LRBA: variants seen among roughly 807,000 people sequenced by gnomAD.
LRBA encodes lipopolysaccharide-responsive and beige-like anchor protein.
Under a neutral mutation model 330.0 loss-of-function variants are expected in LRBA, and 176 were observed. The ratio of observed to expected loss-of-function variants is 0.53; its 90% CI spans 0.47 to 0.60. The LOEUF is 0.60. Ranked by LOEUF, LRBA falls within the 20% of genes least tolerant of loss-of-function variation. LRBA has a pLI of 0.00. For synonymous variants in LRBA, 1,230 were observed against 1,193.0 expected (o/e 1.03, Z -0.64); for missense variants, 3,259 against 3,444.8 (o/e 0.95, Z 1.35).
intron 33 of LRBA, among the ~76,000 whole-genome samples, chr4:150,803,073 A>ATAT (rs1553964864): frequency 0.1 from 3,384 of 33,600 alleles, 113 homozygotes; most frequent in African/African-American, 0.16. Context: ...AAACAAAAAA[A>ATAT]AAATATATAT....
At chr4:150,873,886 C>T (rs72719664) in intron 17 of LRBA, among the ~76,000 whole-genome samples, 1 of 152,060 alleles carries the variant, frequency 6.6e-6, no homozygotes, top group African/African-American at 2.4e-5. Flanking sequence ...AAGTTTGATT[C>T]CTTTTAAAAC....
chr4:150,690,577 C>G (rs994580262), intron 36 of LRBA, among the ~76,000 whole-genome samples: 1 of 149,964 alleles, frequency 6.7e-6, no homozygotes, highest in Admixed American at 6.6e-5. Flanking sequence ...CCCTTCCCAC[C>G]ATATTATAAA....
chr4:150,803,366 T>A (rs919495378), intron 33 of LRBA, among the ~76,000 whole-genome samples: 1 of 152,000 alleles, frequency 6.6e-6, no homozygotes, highest in Non-Finnish European at 1.5e-5. Flanking sequence ...AGTAGAGATA[T>A]CAAATAATTA....
rs770852347 is a variant in LRBA at position 150,915,634 on chromosome 4, T to C, written c.988A>G (p.Ile330Val). The change falls in exon 8 of 57, where the codon ATA (isoleucine) becomes GTA (valine). Residue 330 changes from isoleucine to valine, a missense_variant. Coordinates refer to ENST00000651943, the MANE Select transcript of LRBA (RefSeq NM_001364905.1). ...TCGCTAGTGTTGACAAACCATGTTA[T>C]CTCTCCATAGGAAGCCAGCTCACCA... Reference protein sequence around the residue: ...VNGELASYGEITWFVNTSDTF... With the variant: ...VNGELASYGEVTWFVNTSDTF... 1.2e-6 allele frequency: 2 copies of C among 1,612,292 alleles called. No homozygotes were observed. The highest frequency in any genetic ancestry group is 8.5e-7 in the Non-Finnish European group (1 of 1,179,202).
At chr4:150,517,359 A>G (rs188985654) in intron 40 of LRBA, among the ~76,000 whole-genome samples, 3 of 152,182 alleles carry the variant, frequency 2.0e-5, no homozygotes, top group Admixed American at 6.5e-5. Context: ...GTCTCTACAA[A>G]AAAATACAAA....
chr4:150,942,277 T>G (rs1376328696), intron 2 of LRBA, among the ~76,000 whole-genome samples: 1 of 152,192 alleles, frequency 6.6e-6, no homozygotes, highest in African/African-American at 2.4e-5. Context: ...ATCATAATTG[T>G]AAAAAACTAT....
Position 150,402,240 on chromosome 4 carries a change from G to A in LRBA, c.7194+13198C>T, listed in dbSNP as rs539835048. Among the ~76,000 whole-genome samples, 19 of 150,872 alleles carry A rather than the reference G, an allele frequency of 1.3e-4. 1 individual carries two copies. In the East Asian group the frequency reaches 3.5e-3, roughly 28 times the overall value. On this transcript the variant is annotated intron_variant, in intron 47 of 56. Coordinates refer to ENST00000651943, the MANE Select transcript of LRBA (RefSeq NM_001364905.1). ...AAGAACTTATTTTAGACGAGATCAG[G>A]CACTTTCAGGGTGGTACAGCAGTAG...
chr4:150,794,033 T>C (rs1343553770), intron 34 of LRBA, among the ~76,000 whole-genome samples: 1 of 152,210 alleles, frequency 6.6e-6, no homozygotes, highest in African/African-American at 2.4e-5. Flanking sequence ...ATTATAGATA[T>C]GATCCTCGAA....
At chr4:150,462,024 G>A (rs555011661) in intron 44 of LRBA, among the ~76,000 whole-genome samples, 1 of 151,804 alleles carries the variant, frequency 6.6e-6, no homozygotes, top group African/African-American at 2.4e-5. Flanking sequence ...TACTTTTATG[G>A]TATGACATTT....
chr4:150,864,644 CTT>C lies in LRBA; in HGVS notation c.2766+3025_2766+3026del, dbSNP rs34280757. On this transcript the variant is annotated intron_variant, in intron 22 of 56. Coordinates refer to ENST00000651943, the MANE Select transcript of LRBA (RefSeq NM_001364905.1). ...TGAAAAGCTCTCATGGGCCCACGTT[CTT>C]TTTTTTTTTTTTTTTTTTGAGACAG... Among the ~76,000 whole-genome samples the C allele has an allele frequency of 1.5e-3, 179 of 118,418 alleles. 34 individuals carry two copies. The highest frequency in any genetic ancestry group is 2.1e-3 in the Non-Finnish European group (117 of 56,416). 77.7% of individuals were successfully genotyped at this position (118,418 alleles called of 152,430 possible). A position where few individuals can be genotyped will look rare whatever the true frequency, so the allele number is the denominator to read the frequency against.
intron 49 of LRBA, among the ~76,000 whole-genome samples, chr4:150,323,240 T>C (rs1732792735): frequency 6.6e-6 from 1 of 152,130 alleles, no homozygotes; most frequent in Non-Finnish European, 1.5e-5. Flanking sequence ...AAAGAAGTCC[T>C]GGGAAAAGGA....
At position 150,711,038 on chromosome 4, in the gene LRBA, A is replaced by G. The variant is rs577061478; in HGVS notation, c.5754+24220T>C. ...CTCATAAATAAGTAACAGACGTATA[A>G]AAGAAAGCTACATCAAAAAAAATTT... On this transcript the variant is annotated intron_variant, in intron 36 of 56. Coordinates refer to ENST00000651943, the MANE Select transcript of LRBA (RefSeq NM_001364905.1). Among the ~76,000 whole-genome samples the G allele has an allele frequency of 7.2e-5, 11 of 152,152 alleles. No homozygotes were observed. The South Asian group carries it at 2.1e-3, about 29-fold the overall frequency.
intron 2 of LRBA, among the ~76,000 whole-genome samples, chr4:150,988,343 T>C (rs1383669724): frequency 3.3e-5 from 5 of 152,184 alleles, no homozygotes; most frequent in Non-Finnish European, 1.5e-5. Flanking sequence ...GCAGCAGACT[T>C]TAAGTTCCTA....
chr4:150,474,467 T>C (rs575275155), intron 42 of LRBA, among the ~76,000 whole-genome samples: 21 of 152,164 alleles, frequency 1.4e-4, no homozygotes, highest in Non-Finnish European at 2.5e-4. Context: ...TTTGTTCTTA[T>C]ATTTCAAAAT....
rs1471766426 is a variant in LRBA, at chr4:150,593,486, G to GTGCCAGAAGCTGGGCTCTTAACCACGA, written c.6047-2654_6047-2628dup. Among the ~76,000 whole-genome samples the GTGCCAGAAGCTGGGCTCTTAACCACGA allele has an allele frequency of 2.0e-5, 3 of 152,240 alleles. No homozygotes were observed. In the East Asian group the frequency reaches 5.8e-4, roughly 29 times the overall value. On this transcript the variant is annotated intron_variant, in intron 38 of 56. Transcript: ENST00000651943. Reference sequence around the variant, plus strand: ...TCAGGATTTAAAAACAGGCAGCACGGTGCCAGAAGCTGGGCTCTTAACCAC... The same window carrying GTGCCAGAAGCTGGGCTCTTAACCACGA: ...TCAGGATTTAAAAACAGGCAGCACGGTGCCAGAAGCTGGGCTCTTAACCACGATGCCAGAAGCTGGGCTCTTAACCAC...
At chr4:150,801,401 AT>A (rs1252554252) in intron 33 of LRBA, among the ~76,000 whole-genome samples, 1 of 152,222 alleles carries the variant, frequency 6.6e-6, no homozygotes, top group Non-Finnish European at 1.5e-5. Flanking sequence ...CCAATCCAAC[AT>A]TTTGGAAAAA....
intron 37 of LRBA, among the ~76,000 whole-genome samples, chr4:150,604,938 A>G (rs1369873891): frequency 5.3e-5 from 8 of 152,208 alleles, no homozygotes. Flanking sequence ...CACAGTCAGT[A>G]TTTCCCTGCT....
chr4:150,289,944 G>A lies in LRBA; in HGVS notation c.8018-3910C>T, dbSNP rs77240675. ...AGGGTAGCGGGGATAATCGGAGGCA[G>A]AGCAGAGGCTTTACATGTGGCTCAC... On this transcript the variant is annotated intron_variant, in intron 53 of 56. Transcript: ENST00000651943. Among the ~76,000 whole-genome samples the A allele has an allele frequency of 5.1e-3, 776 of 152,292 alleles. 7 individuals carry two copies. Among genetic ancestry groups the A allele is most frequent in the African/African-American group, 0.018 (744 of 41,554 alleles).
At chr4:151,005,531 TAA>T (rs1184486934) in intron 2 of LRBA, among the ~76,000 whole-genome samples, 1 of 143,186 alleles carries the variant, frequency 7.0e-6, no homozygotes, top group East Asian at 2.0e-4. Context: ...GAGTAGATTA[TAA>T]GAGACTTTTG....
Sources: gnomAD v4.1 joint callset for allele counts (sites outside exome capture counted in the v4.1 genomes callset) on GRCh38, gnomAD v4.1.1 for gene constraint, MANE v1.5 for transcripts, NCBI Gene and HGNC (gene_info 2026-07-23, HGNC 2026-07-21) for gene names.